Variants in PRPSAP1 observed in about 807,000 individuals in gnomAD.
The protein encoded by PRPSAP1 is phosphoribosyl pyrophosphate synthase-associated protein 1.
A neutral mutation model predicts 39.4 loss-of-function variants in PRPSAP1; 31 were observed. That is an observed-to-expected ratio of 0.79 (90% CI 0.59 to 1.06). The LOEUF (loss-of-function observed/expected upper bound fraction) is 1.06. Among genes scored for constraint, PRPSAP1 ranks in the 50% least tolerant of loss-of-function variants. The pLI, the probability that PRPSAP1 is intolerant of heterozygous loss-of-function variation, is 0.00. For synonymous variants in PRPSAP1, 212 were observed against 192.6 expected (o/e 1.10, Z -0.83); for missense variants, 430 against 511.6 (o/e 0.84, Z 1.54).
At chr17:76,326,809 T>C (rs1244981670) in intron 7 of PRPSAP1, among the ~76,000 whole-genome samples, 1 of 152,178 alleles carries the variant, frequency 6.6e-6, no homozygotes, top group African/African-American at 2.4e-5. Flanking sequence ...TACAGCAATG[T>C]TAGCTTCCTG....
intron 1 of PRPSAP1, among the ~76,000 whole-genome samples, chr17:76,351,532 A>C (rs959689087): frequency 6.8e-6 from 1 of 147,744 alleles, no homozygotes; most frequent in Non-Finnish European, 1.5e-5. Context: ...AACAAAAAAC[A>C]AAAAACTAGC....
At chr17:76,334,422 A>G (rs560536358) in intron 3 of PRPSAP1, among the ~76,000 whole-genome samples, 1 of 152,326 alleles carries the variant, frequency 6.6e-6, no homozygotes, top group South Asian at 2.1e-4. Context: ...TCTAGCTTGA[A>G]GGGTAATCGA....
chr17:76,346,355 C>G (rs566657096), intron 2 of PRPSAP1, among the ~76,000 whole-genome samples: 1 of 152,176 alleles, frequency 6.6e-6, no homozygotes, highest in Non-Finnish European at 1.5e-5. Flanking sequence ...GGAAGAGGGG[C>G]TCCCTGACTT....
intron 3 of PRPSAP1, among the ~76,000 whole-genome samples, chr17:76,343,907 T>C (rs576971097): frequency 1.2e-3 from 186 of 152,202 alleles, no homozygotes; most frequent in Non-Finnish European, 2.2e-3. Flanking sequence ...AAGACAGTAA[T>C]TGTATTTGGG....
intron 2 of PRPSAP1, among the ~76,000 whole-genome samples, chr17:76,347,865 G>C (rs1048586882): frequency 2.0e-5 from 3 of 152,132 alleles, no homozygotes; most frequent in Non-Finnish European, 2.9e-5. Flanking sequence ...TCCAAAGTCA[G>C]AGCACACAAG....
intron 7 of PRPSAP1, among the ~76,000 whole-genome samples, chr17:76,320,277 GA>G (rs2071175813): frequency 4.5e-5 from 1 of 22,224 alleles, no homozygotes; most frequent in South Asian, 1.3e-3. Context: ...AAGAAAGAAA[GA>G]AAGAAAAGAA....
At chr17:76,338,926 G>C (rs563723126) in intron 3 of PRPSAP1, among the ~76,000 whole-genome samples, 7 of 151,476 alleles carry the variant, frequency 4.6e-5, no homozygotes, top group African/African-American at 1.7e-4. Context: ...CCAGCTACTC[G>C]GGAGGCTCAG....
At chr17:76,329,204 G>A (rs1168105329) in intron 6 of PRPSAP1, among the ~76,000 whole-genome samples, 1 of 151,946 alleles carries the variant, frequency 6.6e-6, no homozygotes, top group African/African-American at 2.4e-5. Flanking sequence ...CCGAGTAGCG[G>A]GGACCACAGG....
intron 7 of PRPSAP1, among the ~76,000 whole-genome samples, chr17:76,314,937 A>C (rs1343859008): frequency 6.6e-6 from 1 of 152,230 alleles, no homozygotes; most frequent in Non-Finnish European, 1.5e-5. Context: ...AAAGCGAAAC[A>C]GCGAAAGGCT....
At chr17:76,340,937 G>C (rs2071430374) in intron 3 of PRPSAP1, among the ~76,000 whole-genome samples, 1 of 151,128 alleles carries the variant, frequency 6.6e-6, no homozygotes, top group South Asian at 2.1e-4. Flanking sequence ...GGGGGGGACT[G>C]TCTTTCACAA....
rs905042281 is a variant in PRPSAP1, at chr17:76,353,743, G to A, written c.-40C>T. 7.1e-7 allele frequency: 1 copy of A among 1,416,842 alleles called. No homozygotes were observed. Among genetic ancestry groups the A allele is most frequent in the African/African-American group, 1.5e-5 (1 of 65,994 alleles). The allele number at this position is 1,416,842 out of a possible 1,614,324, so 87.8% of individuals were successfully genotyped here. ...CGCGGTTACGACCGGCCCCGCGCGG[G>A]GCTGCACTCTGAGTGCTTCCGACTG... is the stretch of plus-strand genomic sequence containing the variant. On this transcript the variant is annotated 5_prime_UTR_variant, in exon 1 of 10. Transcript: ENST00000446526.
rs767087865 is a variant in PRPSAP1, at chr17:76,312,898, C to T, written c.971G>A (p.Arg324His). Residue 324 changes from arginine (R) to histidine (H), a missense_variant, in exon 9 of 10, where the codon CGC (arginine) becomes CAC (histidine). Arg to His is a conservative substitution (Grantham distance 29). This residue lies in a region of PRPSAP1 where 278 missense variants were observed against 376.3 expected (regional missense o/e 0.74). Transcript: ENST00000446526. Reference sequence around the variant, plus strand: ...GTCTACGGAGGACTCCTCAATCAGGCGAGGGGCCTCTGCAGACAGGATGCC... The same window carrying T: ...GTCTACGGAGGACTCCTCAATCAGGTGAGGGGCCTCTGCAGACAGGATGCC... Reference protein sequence around the residue: ...THGILSAEAPRLIEESSVDEV... With the variant: ...THGILSAEAPHLIEESSVDEV... The T allele has an allele frequency of 4.3e-6, 7 of 1,614,026 alleles. No individual in the cohort carries two copies. The South Asian group carries it at 4.4e-5, about 10-fold the overall frequency.
At chr17:76,319,635 A>AT (rs1282216819) in intron 7 of PRPSAP1, among the ~76,000 whole-genome samples, 4 of 151,800 alleles carry the variant, frequency 2.6e-5, no homozygotes, top group African/African-American at 7.3e-5. Flanking sequence ...TGCTCGGCTA[A>AT]TTTTTGTAAT....
intron 3 of PRPSAP1, among the ~76,000 whole-genome samples, chr17:76,336,600 T>C (rs1449737986): frequency 2.0e-5 from 3 of 149,258 alleles, no homozygotes; most frequent in Admixed American, 6.7e-5. Flanking sequence ...GGCATGGTGG[T>C]GCATGCCTGT....
At chr17:76,322,944 T>C (rs998672548) in intron 7 of PRPSAP1, among the ~76,000 whole-genome samples, 3 of 151,900 alleles carry the variant, frequency 2.0e-5, no homozygotes, top group Admixed American at 6.6e-5. Flanking sequence ...CAGTGAGCAG[T>C]GATCGCACCA....
intron 3 of PRPSAP1, 40 bp from the exon 4 acceptor site, chr17:76,332,475 G>A: frequency 1.2e-6 from 2 of 1,606,690 alleles, no homozygotes; most frequent in South Asian, 2.2e-5. Flanking sequence ...TTAATTCCAT[G>A]TATCAACCCT....
chr17:76,335,314 C>T (rs2071366220), intron 3 of PRPSAP1, among the ~76,000 whole-genome samples: 1 of 151,768 alleles, frequency 6.6e-6, no homozygotes, highest in East Asian at 1.9e-4. Context: ...AATTTAGTAG[C>T]TTCTGTAAGC....
At chr17:76,346,292 G>A (rs1188051084) in intron 2 of PRPSAP1, among the ~76,000 whole-genome samples, 1 of 152,192 alleles carries the variant, frequency 6.6e-6, no homozygotes, top group Non-Finnish European at 1.5e-5. Flanking sequence ...CTGGATTGAT[G>A]TGGGGAAAGC....
At chr17:76,320,557 T>C (rs1349276316) in intron 7 of PRPSAP1, among the ~76,000 whole-genome samples, 1 of 150,268 alleles carries the variant, frequency 6.7e-6, no homozygotes, top group Non-Finnish European at 1.5e-5. Flanking sequence ...ACCAAGTAGC[T>C]GGGACTACAG....
Sources: gnomAD v4.1 joint callset for allele counts (sites outside exome capture counted in the v4.1 genomes callset) on GRCh38, gnomAD v4.1.1 for gene constraint, gnomAD v4.1.1 regional missense constraint, MANE v1.5 for transcripts, NCBI Gene and HGNC (gene_info 2026-07-23, HGNC 2026-07-21) for gene names.